The following LMO3 variants were observed in gnomAD, a reference collection of about 807,000 sequenced individuals.
LMO3 encodes the protein LIM domain only protein 3.
In LMO3, 2 loss-of-function variants were observed where a neutral mutation model predicts 15.8. The ratio of observed to expected loss-of-function variants is 0.13; its 90% CI spans 0.05 to 0.40. The LOEUF (loss-of-function observed/expected upper bound fraction) is 0.40, where lower values mean the gene tolerates loss of function less well. LMO3 is among the 10% of genes least tolerant of loss of function. LMO3 has a pLI of 0.99. For synonymous variants in LMO3, 62 were observed against 63.8 expected (o/e 0.97, Z 0.13); for missense variants, 86 against 182.2 (o/e 0.47, Z 3.04).
At position 16,584,106 on chromosome 12, in the gene LMO3, C is replaced by G. The variant is rs1163044579; in HGVS notation, c.206+16549G>C. Among the ~76,000 whole-genome samples, 1 of 152,164 alleles carries G rather than the reference C, an allele frequency of 6.6e-6. No homozygotes were observed. Among genetic ancestry groups the G allele is most frequent in the Non-Finnish European group, 1.5e-5 (1 of 68,026 alleles). On this transcript the variant is annotated intron_variant, in intron 2 of 3. Coordinates refer to ENST00000537304, the MANE Select transcript of LMO3 (RefSeq NM_018640.5). This position sits in a 1 kb window ranked among gnomAD's most constrained non-coding sequence, Gnocchi z 5.2. ...GGGCTTGGTTTCAAGTGAGTCATCTCTAAGCCTTTTAGAATCCCTAGAATT... is the reference window on the plus strand; with the variant it reads ...GGGCTTGGTTTCAAGTGAGTCATCTGTAAGCCTTTTAGAATCCCTAGAATT...
intron 2 of LMO3, among the ~76,000 whole-genome samples, chr12:16,579,752 G>C (rs752345337): frequency 1.3e-5 from 2 of 152,180 alleles, no homozygotes; most frequent in Non-Finnish European, 2.9e-5. Context: ...TAGCATTTCA[G>C]AATGACCAAT....
intron 1 of LMO3, chr12:16,605,444 C>CCCCCCCCCCCCCCCCCA: frequency 1.3e-6 from 1 of 775,618 alleles, no homozygotes; most frequent in Non-Finnish European, 1.6e-6. Context: ...CTGCCCCCCC[C>CCCCCCCCCCCCCCCCCA]CCCCGCCCCC....
intron 3 of LMO3, among the ~76,000 whole-genome samples, chr12:16,556,467 T>A (rs975150426): frequency 2.0e-5 from 3 of 152,236 alleles, no homozygotes; most frequent in African/African-American, 7.2e-5. Flanking sequence ...TGCTACTTTT[T>A]AAAACATTCA....
Position 16,560,535 on chromosome 12 carries a change from G to T in LMO3, c.210C>A (p.Leu70=), listed in dbSNP as rs755359866. The T allele has an allele frequency of 6.2e-7, 1 of 1,605,330 alleles. No homozygotes were observed. The highest frequency in any genetic ancestry group is 1.1e-5 in the South Asian group (1 of 89,228). Residue 70 remains leucine, a synonymous_variant, in exon 3 of 4, where the codon CTC becomes CTA. Transcript: ENST00000537304. The surrounding 1 kb of genome is among the most constrained non-coding windows in gnomAD (Gnocchi z 5.0). ...LILCRRDYLR[L]FGVTGNCAAC... ...CAGCGCAGTTTCCCGTTACACCAAAGAGCCTAGAATAAGAAACATTTTTTT... is the reference window on the plus strand; with the variant it reads ...CAGCGCAGTTTCCCGTTACACCAAATAGCCTAGAATAAGAAACATTTTTTT...
chr12:16,560,332 A>C lies in LMO3; in HGVS notation c.332+81T>G. 1 of 1,426,914 alleles carries C rather than the reference A, an allele frequency of 7.0e-7. No individual in the cohort carries two copies. Among genetic ancestry groups the C allele is most frequent in the Non-Finnish European group, 9.5e-7 (1 of 1,048,188 alleles). 88.4% of individuals were successfully genotyped at this position (1,426,914 alleles called of 1,614,324 possible). On this transcript the variant is annotated intron_variant, in intron 3 of 3. Coordinates refer to ENST00000537304, the MANE Select transcript of LMO3 (RefSeq NM_018640.5). The surrounding 1 kb of genome is among the most constrained non-coding windows in gnomAD (Gnocchi z 5.0). ...TGAGATTGATTGCTTTAAATGTATG[A>C]ATATAATTTCCACCTATTAAATAAA...
chr12:16,577,108 A>T (rs1434330331), intron 2 of LMO3, among the ~76,000 whole-genome samples: 1 of 152,092 alleles, frequency 6.6e-6, no homozygotes, highest in Admixed American at 6.5e-5. Flanking sequence ...GATGCAGAAA[A>T]CTTGTGACTG....
chr12:16,572,150 A>T (rs916557982), intron 2 of LMO3, among the ~76,000 whole-genome samples: 3 of 151,918 alleles, frequency 2.0e-5, no homozygotes, highest in Non-Finnish European at 2.9e-5. Flanking sequence ...TTAAAACTTG[A>T]TGCTTTCCAT....
rs570587523 is a variant in LMO3 at position 16,605,049 on chromosome 12, G to A, written c.-9+1017C>T. On this transcript the variant is annotated intron_variant, in intron 1 of 3. Coordinates refer to ENST00000537304, the MANE Select transcript of LMO3 (RefSeq NM_018640.5). ...TATTGTGAAGCCACTTTGGGAGCGG[G>A]TCGGAGTGGCGGCAGGGGGTGGGGG... 5,623 of 1,512,724 alleles carry A rather than the reference G, an allele frequency of 3.7e-3. 10 individuals are homozygous for A. The highest frequency in any genetic ancestry group is 4.2e-3 in the Non-Finnish European group (4,826 of 1,137,484). 93.7% of individuals were successfully genotyped at this position (1,512,724 alleles called of 1,614,324 possible). A position where few individuals can be genotyped will look rare whatever the true frequency, so the allele number is the denominator to read the frequency against.
Position 16,557,217 on chromosome 12 carries a change from G to A in LMO3, c.332+3196C>T, listed in dbSNP as rs536430633. Among the ~76,000 whole-genome samples, 11 of 152,136 alleles carry A rather than the reference G, an allele frequency of 7.2e-5. No homozygotes were observed. The East Asian group carries it at 2.1e-3, about 29-fold the overall frequency. ...TTCTATGTAGAACATGGATAAAATA[G>A]GTAACCCTACTTAATAGAAGAAAAT... On this transcript the variant is annotated intron_variant, in intron 3 of 3. Transcript: ENST00000537304.
chr12:16,554,067 A>T (rs1942094225), intron 3 of LMO3, among the ~76,000 whole-genome samples: 1 of 152,190 alleles, frequency 6.6e-6, no homozygotes, highest in South Asian at 2.1e-4. Flanking sequence ...TTAGATTATT[A>T]AACCATCTAA....
At chr12:16,562,997 A>G (rs1212694894) in intron 2 of LMO3, among the ~76,000 whole-genome samples, 1 of 152,194 alleles carries the variant, frequency 6.6e-6, no homozygotes, top group African/African-American at 2.4e-5. Flanking sequence ...TATCTTAATT[A>G]TTCTCTGCTG....
At chr12:16,581,032 A>G (rs1591806680) in intron 2 of LMO3, among the ~76,000 whole-genome samples, 1 of 152,152 alleles carries the variant, frequency 6.6e-6, no homozygotes, top group Non-Finnish European at 1.5e-5. Flanking sequence ...CCACTAACAA[A>G]TTTTTTTCTA....
chr12:16,605,784 C>T (rs1221092542), intron 1 of LMO3: 3 of 1,535,526 alleles, frequency 2.0e-6, no homozygotes, highest in East Asian at 2.4e-5. Flanking sequence ...CGTTCCGCGC[C>T]GCAGCCGCTC....
At position 16,549,189 on chromosome 12, in the gene LMO3, A is replaced by AATT. The variant is rs1265599299; in HGVS notation, c.*2030_*2032dup. 9.9e-5 allele frequency: 15 copies of AATT among 152,162 alleles called. No individual in the cohort carries two copies. The highest frequency in any genetic ancestry group is 3.1e-4 in the African/African-American group (13 of 41,524). 9.4% of individuals were successfully genotyped at this position (152,162 alleles called of 1,614,324 possible). ...ACTGATCTCTCCCCCACATATTTTT[A>AATT]ATTTGTCTTGCTTTGTTTATTTTGG... On this transcript the variant is annotated 3_prime_UTR_variant, in exon 4 of 4. Transcript: ENST00000537304.
In LMO3 at chr12:16,597,980, T is replaced by A. The variant is rs568559308; in HGVS notation, c.206+2675A>T. The A allele has an allele frequency of 7.9e-5, 12 of 152,026 alleles. No individual in the cohort carries two copies. The highest frequency in any genetic ancestry group is 1.3e-4 in the Non-Finnish European group (9 of 67,896). The allele number at this position is 152,026 out of a possible 1,614,324, so 9.4% of individuals were successfully genotyped here. ...ACTTTAGGTGTACCTTCCTTTTTCC[T>A]TTAGCTAATTTCACCCATTGCCTGA... On this transcript the variant is annotated intron_variant, in intron 2 of 3. Transcript: ENST00000537304. This position sits in a 1 kb window ranked among gnomAD's most constrained non-coding sequence, Gnocchi z 5.0.
intron 1 of LMO3, chr12:16,605,659 A>C: frequency 8.9e-7 from 1 of 1,122,570 alleles, no homozygotes; most frequent in Non-Finnish European, 1.3e-6. Flanking sequence ...GGCTGGGAGC[A>C]AACACTTCCT....
intron 2 of LMO3, among the ~76,000 whole-genome samples, chr12:16,570,516 G>A (rs761447160): frequency 1.3e-5 from 2 of 152,056 alleles, no homozygotes; most frequent in Non-Finnish European, 2.9e-5. Flanking sequence ...TGGTCATTTT[G>A]TGAACAGTTG....
In LMO3 at chr12:16,553,044, T is replaced by C. The variant is rs1833052346; in HGVS notation, c.333-1717A>G. 3.3e-5 allele frequency among the ~76,000 whole-genome samples: 5 copies of C among 152,260 alleles called. No homozygotes were observed. In the South Asian group the frequency reaches 1.0e-3, roughly 32 times the overall value. On this transcript the variant is annotated intron_variant, in intron 3 of 3. Coordinates refer to ENST00000537304, the MANE Select transcript of LMO3 (RefSeq NM_018640.5). ...TGGCAAGGAGTAGAAATGAAATATC[T>C]AAAATCTTACCTCAATGTTTGAAAC... is the stretch of plus-strand genomic sequence containing the variant.
Position 16,548,406 on chromosome 12 carries a change from C to T in LMO3, c.*2816G>A, listed in dbSNP as rs1386141637. The T allele has an allele frequency of 6.6e-6, 1 of 151,838 alleles. No individual in the cohort carries two copies. The highest frequency in any genetic ancestry group is 2.4e-5 in the African/African-American group (1 of 41,324). 9.4% of individuals were successfully genotyped at this position (151,838 alleles called of 1,614,324 possible). ...ACCCCTTTTATTAAAAACATAAATC[C>T]AAATGTAAAAAAGTGAATGAAAGAA... is the stretch of plus-strand genomic sequence containing the variant. On this transcript the variant is annotated 3_prime_UTR_variant, in exon 4 of 4. Coordinates refer to ENST00000537304, the MANE Select transcript of LMO3 (RefSeq NM_018640.5). This position sits in a 1 kb window ranked among gnomAD's most constrained non-coding sequence, Gnocchi z 4.2.
Sources: allele counts gnomAD v4.1 joint callset (sites outside exome capture counted in the v4.1 genomes callset), GRCh38; gene constraint gnomAD v4.1.1; non-coding constraint Gnocchi (gnomAD v3.1); transcripts MANE v1.5; gene names NCBI Gene and HGNC (gene_info 2026-07-23, HGNC 2026-07-21).